The following TSNARE1 variants were observed in gnomAD, a reference collection of about 807,000 sequenced individuals.
TSNARE1 encodes t-SNARE domain containing 1, also known as t-SNARE domain-containing protein 1.
TSNARE1 carries 49 observed loss-of-function variants against 62.0 expected under a neutral mutation model. The observed-to-expected ratio is 0.79, with a 90% confidence interval of 0.63 to 1.00. TSNARE1 has a LOEUF of 1.00. Ranked by LOEUF, TSNARE1 falls within the 50% of genes least tolerant of loss-of-function variation. TSNARE1 has a pLI of 0.00. For synonymous variants in TSNARE1, 328 were observed against 294.4 expected, an observed-to-expected ratio of 1.11 and a Z score of -1.17; for missense variants, 755 against 700.1, an observed-to-expected ratio of 1.08 and a Z score of -0.88.
At chr8:142,329,577 C>T (rs1462691381) in intron 6 of TSNARE1, among the ~76,000 whole-genome samples, 3 of 152,224 alleles carry the variant, frequency 2.0e-5, no homozygotes, top group Non-Finnish European at 4.4e-5. Flanking sequence ...CCCAGAGTTA[C>T]ACAAGTTATC....
At chr8:142,305,186 C>T (rs1026901193) in intron 9 of TSNARE1, among the ~76,000 whole-genome samples, 14 of 152,142 alleles carry the variant, frequency 9.2e-5, no homozygotes, top group East Asian at 3.9e-4. Flanking sequence ...ACGTTCTGTG[C>T]GATGTTCCCT....
chr8:142,230,278 A>T (rs1420898465), intron 12 of TSNARE1, among the ~76,000 whole-genome samples: 1 of 152,168 alleles, frequency 6.6e-6, no homozygotes, highest in East Asian at 1.9e-4. Flanking sequence ...CCAGAGAAAA[A>T]CGGGAGCTTA....
chr8:142,283,958 GGGCC>G, intron 11 of TSNARE1, among the ~76,000 whole-genome samples: 1 of 143,448 alleles, frequency 7.0e-6, no homozygotes. Flanking sequence ...AGCAGGGTGG[GGGCC>G]AGTGTCTGTC....
chr8:142,277,948 C>T, intron 11 of TSNARE1: 1 of 985,418 alleles, frequency 1.0e-6, no homozygotes, highest in Admixed American at 6.1e-5. Context: ...TGCCATGAAG[C>T]ACCCCCAAAC....
chr8:142,230,281 G>A (rs1817039193), intron 12 of TSNARE1, among the ~76,000 whole-genome samples: 1 of 152,170 alleles, frequency 6.6e-6, no homozygotes, highest in African/African-American at 2.4e-5. Flanking sequence ...GAGAAAAACG[G>A]GAGCTTAAAT....
At chr8:142,238,239 C>T (rs553684761) in intron 12 of TSNARE1, among the ~76,000 whole-genome samples, 16 of 152,246 alleles carry the variant, frequency 1.1e-4, no homozygotes, top group Non-Finnish European at 7.4e-5. Context: ...TGCAGGGCCT[C>T]GACTGGGCCT....
upstream of TSNARE1, chr8:142,404,277 T>C (rs1218597101): frequency 6.6e-6 from 1 of 151,894 alleles, no homozygotes; most frequent in Non-Finnish European, 1.5e-5. Flanking sequence ...ACGGGTTCTG[T>C]GAACACGAAC....
At chr8:142,335,551 C>T (rs1378111075) in intron 4 of TSNARE1, among the ~76,000 whole-genome samples, 1 of 151,804 alleles carries the variant, frequency 6.6e-6, no homozygotes, top group African/African-American at 2.4e-5. Flanking sequence ...TCTCATAAGC[C>T]CTTAGTGGAG....
chr8:142,322,397 T>A lies in TSNARE1; in HGVS notation c.894-3763A>T, dbSNP rs369594568. Among the ~76,000 whole-genome samples, 32 of 152,350 alleles carry A rather than the reference T, an allele frequency of 2.1e-4. No individual in the cohort carries two copies. The East Asian group carries it at 5.0e-3, about 24-fold the overall frequency. On this transcript the variant is annotated intron_variant, in intron 6 of 13. Transcript: ENST00000524325. Reference sequence around the variant, plus strand: ...GTATGTGTGCTTTCACTACTTTTACTCTTCATACTATAAGTTTACCTAGGA... The same window carrying A: ...GTATGTGTGCTTTCACTACTTTTACACTTCATACTATAAGTTTACCTAGGA...
chr8:142,332,867 A>G (rs1351266888), intron 4 of TSNARE1, among the ~76,000 whole-genome samples: 1 of 152,188 alleles, frequency 6.6e-6, no homozygotes, highest in Non-Finnish European at 1.5e-5. Flanking sequence ...GCTCCTGAAG[A>G]GCACTCCCAG....
intron 1 of TSNARE1, among the ~76,000 whole-genome samples, chr8:142,387,076 C>T (rs1172702919): frequency 3.3e-5 from 5 of 152,098 alleles, no homozygotes; most frequent in Admixed American, 2.6e-4. Flanking sequence ...AGAAACCTCC[C>T]GAAACCCAGA....
At chr8:142,299,496 C>T (rs762000297) in intron 10 of TSNARE1, among the ~76,000 whole-genome samples, 3 of 152,246 alleles carry the variant, frequency 2.0e-5, no homozygotes, top group Non-Finnish European at 4.4e-5. Flanking sequence ...CAAGGTCACA[C>T]GCAGAGGCTC....
At chr8:142,311,160 G>GTT (rs754868075) in intron 9 of TSNARE1, among the ~76,000 whole-genome samples, 10 of 141,064 alleles carry the variant, frequency 7.1e-5, no homozygotes, top group African/African-American at 1.6e-4. Flanking sequence ...AAGGGTGGTT[G>GTT]TTTTTTTTTT....
chr8:142,394,871 T>C (rs1273027518), intron 1 of TSNARE1, among the ~76,000 whole-genome samples: 2 of 152,158 alleles, frequency 1.3e-5, no homozygotes, highest in Non-Finnish European at 2.9e-5. Context: ...TCCCAGGCTG[T>C]GCCTGCGCCC....
chr8:142,332,551 G>A (rs1315449459), intron 4 of TSNARE1, among the ~76,000 whole-genome samples: 6 of 152,188 alleles, frequency 3.9e-5, no homozygotes, highest in African/African-American at 1.4e-4. Context: ...GGTGAATTCT[G>A]AGTGACTAAG....
intron 10 of TSNARE1, among the ~76,000 whole-genome samples, chr8:142,299,078 C>T (rs1245437108): frequency 6.6e-6 from 1 of 152,208 alleles, no homozygotes; most frequent in Non-Finnish European, 1.5e-5. Flanking sequence ...CCAGGGAGCC[C>T]GAGGACAGGA....
chr8:142,248,689 G>T (rs1226596589), intron 12 of TSNARE1, among the ~76,000 whole-genome samples: 1 of 152,164 alleles, frequency 6.6e-6, no homozygotes, highest in Non-Finnish European at 1.5e-5. Flanking sequence ...TTACGGAGGT[G>T]GAGCTACTGA....
chr8:142,299,700 A>G (rs1563858986), intron 10 of TSNARE1, among the ~76,000 whole-genome samples: 1 of 152,030 alleles, frequency 6.6e-6, no homozygotes, highest in East Asian at 1.9e-4. Flanking sequence ...GCATGCACAC[A>G]CACGCACTCA....
intron 9 of TSNARE1, among the ~76,000 whole-genome samples, chr8:142,302,864 C>T (rs1826003292): frequency 6.6e-6 from 1 of 152,200 alleles, no homozygotes. Flanking sequence ...CTGGCCTCCG[C>T]TGTGCCTAGG....
Sources: gnomAD v4.1 joint callset for allele counts (sites outside exome capture counted in the v4.1 genomes callset) on GRCh38, gnomAD v4.1.1 for gene constraint, MANE v1.5 for transcripts, NCBI Gene and HGNC (gene_info 2026-07-23, HGNC 2026-07-21) for gene names.